The following DCHS2 variants were observed in gnomAD, a reference collection of about 807,000 sequenced individuals.
DCHS2 encodes the protein protocadherin-23.
DCHS2 carries 142 observed loss-of-function variants against 182.4 expected under a neutral mutation model. The ratio of observed to expected loss-of-function variants is 0.78; its 90% CI spans 0.68 to 0.89. The LOEUF is 0.89. Among genes scored for constraint, DCHS2 ranks in the 40% least tolerant of loss-of-function variants. DCHS2 has a pLI of 0.00. For synonymous variants in DCHS2, 1,740 were observed against 1,663.3 expected (o/e 1.05, Z -1.12); for missense variants, 4,319 against 4,198.6 (o/e 1.03, Z -0.79).
chr4:154,280,242 T>C (rs974873372), intron 13 of DCHS2, among the ~76,000 whole-genome samples: 1 of 152,038 alleles, frequency 6.6e-6, no homozygotes, highest in East Asian at 1.9e-4. Context: ...TCAAAAACTC[T>C]CAACAAAGAA....
At chr4:154,436,648 G>A (rs920564353) in intron 1 of DCHS2, among the ~76,000 whole-genome samples, 7 of 152,102 alleles carry the variant, frequency 4.6e-5, no homozygotes, top group Admixed American at 1.3e-4. Context: ...TATTTGGCTC[G>A]TATACATGAA....
chr4:154,348,835 G>A (rs1217087466), intron 3 of DCHS2, among the ~76,000 whole-genome samples: 1 of 151,958 alleles, frequency 6.6e-6, no homozygotes, highest in Non-Finnish European at 1.5e-5. Flanking sequence ...CCAGTGCGTG[G>A]TGCTTTGTTA....
chr4:154,341,969 AG>A (rs1729133208), intron 3 of DCHS2, among the ~76,000 whole-genome samples: 1 of 152,196 alleles, frequency 6.6e-6, no homozygotes, highest in African/African-American at 2.4e-5. Context: ...AACCATCAAA[AG>A]AAATCAACAC....
At chr4:154,406,567 TG>T (rs1457667444) in intron 1 of DCHS2, among the ~76,000 whole-genome samples, 1 of 152,242 alleles carries the variant, frequency 6.6e-6, no homozygotes, top group Non-Finnish European at 1.5e-5. Flanking sequence ...TAGCTCTTAT[TG>T]TTTTTCTTGT....
At chr4:154,333,635 G>A (rs566416324) in intron 4 of DCHS2, 141 bp from the exon 5 acceptor site, 2 of 813,622 alleles carry the variant, frequency 2.5e-6, no homozygotes, top group South Asian at 1.9e-5. Flanking sequence ...TGATGGTTCC[G>A]TAAGATTCTG....
At chr4:154,281,493 C>T (rs550642339) in intron 13 of DCHS2, among the ~76,000 whole-genome samples, 3 of 152,098 alleles carry the variant, frequency 2.0e-5, no homozygotes, top group East Asian at 1.9e-4. Flanking sequence ...AATATTAATA[C>T]GTTGAAAATT....
At chr4:154,437,094 GC>G (rs1408222361) in intron 1 of DCHS2, among the ~76,000 whole-genome samples, 1 of 151,986 alleles carries the variant, frequency 6.6e-6, no homozygotes, top group Non-Finnish European at 1.5e-5. Context: ...TTCAAGTTAG[GC>G]CTCCTTGGCT....
chr4:154,448,909 T>C (rs1437808582), intron 1 of DCHS2, among the ~76,000 whole-genome samples: 4 of 152,204 alleles, frequency 2.6e-5, no homozygotes, highest in Admixed American at 2.6e-4. Flanking sequence ...CCATTCTTTG[T>C]AGCACTTACT....
At position 154,345,552 on chromosome 4, in the gene DCHS2, C is replaced by A. The variant is rs186808165; in HGVS notation, c.2477-10448G>T. On this transcript the variant is annotated intron_variant, in intron 3 of 19. Transcript: ENST00000357232. ...TGCTGGGCAGACAAAAACTACAAGT[C>A]CTAATTATGCCACCCTTGCAAAACA... 3.3e-5 allele frequency among the ~76,000 whole-genome samples: 5 copies of A among 152,336 alleles called. No individual in the cohort carries two copies. In the East Asian group the frequency reaches 9.7e-4, roughly 29 times the overall value.
At chr4:154,445,666 C>T (rs1243623968) in intron 1 of DCHS2, among the ~76,000 whole-genome samples, 3 of 152,050 alleles carry the variant, frequency 2.0e-5, no homozygotes, top group Non-Finnish European at 4.4e-5. Context: ...AAATAATTAG[C>T]TGGCTGTGGT....
intron 1 of DCHS2, among the ~76,000 whole-genome samples, chr4:154,438,064 T>C (rs2110949367): frequency 6.6e-6 from 1 of 152,256 alleles, no homozygotes; most frequent in African/African-American, 2.4e-5. Context: ...TCAGTCCCCC[T>C]GTATACTTCC....
intron 1 of DCHS2, among the ~76,000 whole-genome samples, chr4:154,401,684 C>G (rs1282872474): frequency 1.3e-5 from 2 of 152,186 alleles, no homozygotes; most frequent in Non-Finnish European, 1.5e-5. Context: ...ATCTCAAAAA[C>G]TGCACTGTCT....
At chr4:154,458,100 C>A (rs1184894663) in intron 1 of DCHS2, among the ~76,000 whole-genome samples, 1 of 151,540 alleles carries the variant, frequency 6.6e-6, no homozygotes, top group African/African-American at 2.4e-5. Flanking sequence ...CACCTTCTTG[C>A]CAATTAAAAT....
chr4:154,462,960 G>A (rs1355609218), intron 1 of DCHS2, among the ~76,000 whole-genome samples: 1 of 151,934 alleles, frequency 6.6e-6, no homozygotes, highest in Non-Finnish European at 1.5e-5. Flanking sequence ...AAAATGACAT[G>A]AAATGAGAAA....
At chr4:154,272,515 G>C (rs1733647503) in intron 13 of DCHS2, among the ~76,000 whole-genome samples, 1 of 152,024 alleles carries the variant, frequency 6.6e-6, no homozygotes, top group Non-Finnish European at 1.5e-5. Context: ...TCCCCATGCT[G>C]TTCTCATGAT....
At chr4:154,436,156 T>C (rs1733769621) in intron 1 of DCHS2, among the ~76,000 whole-genome samples, 1 of 152,184 alleles carries the variant, frequency 6.6e-6, no homozygotes, top group African/African-American at 2.4e-5. Flanking sequence ...ATGTTATTTT[T>C]CCCACAGTAA....
At chr4:154,432,397 C>T (rs1436308280) in intron 1 of DCHS2, among the ~76,000 whole-genome samples, 1 of 152,116 alleles carries the variant, frequency 6.6e-6, no homozygotes, top group Non-Finnish European at 1.5e-5. Flanking sequence ...AGCCACATAA[C>T]TTTCAGTGCC....
intron 1 of DCHS2, among the ~76,000 whole-genome samples, chr4:154,405,771 A>G (rs1324451374): frequency 5.3e-5 from 8 of 152,192 alleles, no homozygotes; most frequent in Non-Finnish European, 5.9e-5. Context: ...CTTGTCTGCT[A>G]AATCTAACCT....
intron 3 of DCHS2, among the ~76,000 whole-genome samples, chr4:154,362,913 G>T (rs2110761138): frequency 6.6e-6 from 1 of 152,236 alleles, no homozygotes; most frequent in Non-Finnish European, 1.5e-5. Flanking sequence ...ACACACAAAA[G>T]ATGTGTTAAC....
Sources: gnomAD v4.1 joint callset for allele counts (sites outside exome capture counted in the v4.1 genomes callset) on GRCh38, gnomAD v4.1.1 for gene constraint, MANE v1.5 for transcripts, NCBI Gene and HGNC (gene_info 2026-07-23, HGNC 2026-07-21) for gene names.